PRKN: variants seen among roughly 807,000 people sequenced by gnomAD.
PRKN encodes the protein parkin RBR E3 ubiquitin protein ligase.
In PRKN, 56 loss-of-function variants were observed where a neutral mutation model predicts 59.5. The ratio of observed to expected loss-of-function variants is 0.94; its 90% confidence interval spans 0.76 to 1.18. The LOEUF (loss-of-function observed/expected upper bound fraction) is 1.18, where lower values mean the gene tolerates loss of function less well. PRKN is among the 50% of genes most tolerant of loss of function. PRKN has a pLI of 0.00. For synonymous variants in PRKN, 250 were observed against 222.1 expected (o/e 1.13, Z -1.12); for missense variants, 657 against 596.4 (o/e 1.10, Z -1.06).
intron 9 of PRKN, among the ~76,000 whole-genome samples, chr6:161,516,817 A>G (rs1457540289): frequency 7.2e-6 from 1 of 138,342 alleles, no homozygotes; most frequent in Non-Finnish European, 1.5e-5. Flanking sequence ...ACAGAGCAAG[A>G]CTCAATCTCA....
chr6:162,427,644 GT>G (rs1219394770), intron 2 of PRKN, among the ~76,000 whole-genome samples: 1 of 144,208 alleles, frequency 6.9e-6, no homozygotes, highest in Non-Finnish European at 1.5e-5. Flanking sequence ...GTAAATAAAT[GT>G]TTTTTTTTCT....
rs1788186250 is a variant in PRKN, at chr6:161,423,262, T to G, written c.1084-36385A>C. The stretch of plus-strand genomic sequence containing the variant: ...GGCACTCACGTTAATTTTTCTCAAC[T>G]AGTATCTGAAGGGTTGTCATGCTCT... On this transcript the variant is annotated intron_variant, in intron 9 of 11. Coordinates refer to ENST00000366898, the MANE Select transcript of PRKN (RefSeq NM_004562.3). The surrounding 1 kb of genome is among the most constrained non-coding windows in gnomAD (Gnocchi z 5.9). Among the ~76,000 whole-genome samples the G allele has an allele frequency of 6.6e-6, 1 of 152,194 alleles. No homozygotes were observed. Among genetic ancestry groups the G allele is most frequent in the African/African-American group, 2.4e-5 (1 of 41,444 alleles).
At chr6:162,211,866 TA>T (rs1425250211) in intron 3 of PRKN, among the ~76,000 whole-genome samples, 2 of 152,194 alleles carry the variant, frequency 1.3e-5, no homozygotes, top group Non-Finnish European at 2.9e-5. Context: ...TTGAGATTCA[TA>T]AAATCTCTAC....
chr6:162,268,180 C>T (rs1780217954), intron 2 of PRKN, among the ~76,000 whole-genome samples: 1 of 152,168 alleles, frequency 6.6e-6, no homozygotes, highest in African/African-American at 2.4e-5. Flanking sequence ...GAATAACTAT[C>T]ACCATCTGCT....
At chr6:162,103,703 C>A (rs1260997515) in intron 4 of PRKN, among the ~76,000 whole-genome samples, 1 of 152,036 alleles carries the variant, frequency 6.6e-6, no homozygotes, top group East Asian at 1.9e-4. Context: ...CTCAGAGGAA[C>A]GCCAGGGCAG....
chr6:162,569,351 G>T (rs924864839), intron 1 of PRKN: 1 of 638,862 alleles, frequency 1.6e-6, no homozygotes, highest in Non-Finnish European at 3.0e-6. Flanking sequence ...GCTGGAGGCT[G>T]CCCTGCAACA....
At chr6:162,355,842 TTACAAGGTA>T (rs1257903238) in intron 2 of PRKN, among the ~76,000 whole-genome samples, 3 of 152,146 alleles carry the variant, frequency 2.0e-5, no homozygotes, top group Non-Finnish European at 2.9e-5. Context: ...CAGAATTTGT[TTACAAGGTA>T]AAGGATTAAT....
intron 9 of PRKN, among the ~76,000 whole-genome samples, chr6:161,430,704 A>T (rs916005069): frequency 7.4e-5 from 11 of 149,198 alleles, no homozygotes; most frequent in Admixed American, 4.1e-4. Flanking sequence ...AGTCCCAGCT[A>T]CTCGGGAGGC....
At chr6:161,941,476 C>A (rs1489384846) in intron 6 of PRKN, among the ~76,000 whole-genome samples, 1 of 152,198 alleles carries the variant, frequency 6.6e-6, no homozygotes, top group Non-Finnish European at 1.5e-5. Flanking sequence ...GAGAGCTACT[C>A]AATAAAACCT....
At chr6:162,699,810 G>C (rs1778089697) in intron 1 of PRKN, among the ~76,000 whole-genome samples, 1 of 152,048 alleles carries the variant, frequency 6.6e-6, no homozygotes. Flanking sequence ...AGAGGATGAG[G>C]CTGTTCTCTG....
intron 1 of PRKN, among the ~76,000 whole-genome samples, chr6:162,448,333 C>T (rs554837822): frequency 2.0e-5 from 3 of 152,234 alleles, no homozygotes; most frequent in Admixed American, 6.5e-5. Context: ...CACCCTCCTG[C>T]GATTACTACC....
At position 161,733,991 on chromosome 6, in the gene PRKN, CACACACACACACACAT is replaced by C. The variant is rs1274023564; in HGVS notation, c.871+51765_871+51780del. Among the ~76,000 whole-genome samples the C allele has an allele frequency of 1.3e-3, 185 of 145,744 alleles. 1 individual carries two copies. The South Asian group carries it at 0.018, about 14-fold the overall frequency. On this transcript the variant is annotated intron_variant, in intron 7 of 11. Coordinates refer to ENST00000366898, the MANE Select transcript of PRKN (RefSeq NM_004562.3). Reference sequence around the variant, plus strand: ...ACACACACACACACACACACACACACACACACACACACACATATTTGCTAATGGAAAAAAGAACACA... The same window carrying C: ...ACACACACACACACACACACACACACATTTGCTAATGGAAAAAAGAACACA...
chr6:162,194,396 T>A (rs1015943139), intron 4 of PRKN, among the ~76,000 whole-genome samples: 1 of 152,304 alleles, frequency 6.6e-6, no homozygotes, highest in Middle Eastern at 3.4e-3. Context: ...GAAAATTCAA[T>A]GGTATCCATA....
intron 7 of PRKN, among the ~76,000 whole-genome samples, chr6:161,683,077 C>T (rs1348350642): frequency 2.0e-5 from 3 of 152,190 alleles, no homozygotes; most frequent in African/African-American, 4.8e-5. Flanking sequence ...ATGCATGGCA[C>T]GACCTACGTG....
intron 4 of PRKN, among the ~76,000 whole-genome samples, chr6:162,167,991 C>T (rs1170594076): frequency 6.6e-6 from 1 of 152,104 alleles, no homozygotes; most frequent in Non-Finnish European, 1.5e-5. Context: ...CACTAATTCA[C>T]ATGACATTTA....
At chr6:162,661,068 C>A (rs1040743526) in intron 1 of PRKN, among the ~76,000 whole-genome samples, 105 of 152,126 alleles carry the variant, frequency 6.9e-4, no homozygotes, top group African/African-American at 2.4e-3. Context: ...TCAAGATAAG[C>A]CTGACCAACA....
At chr6:162,477,436 A>G (rs1792073703) in intron 1 of PRKN, among the ~76,000 whole-genome samples, 1 of 152,210 alleles carries the variant, frequency 6.6e-6, no homozygotes, top group Non-Finnish European at 1.5e-5. Flanking sequence ...CATTTTTGAC[A>G]GCATCTATAC....
At position 161,373,356 on chromosome 6, in the gene PRKN, A is replaced by G. The variant is rs1253407773; in HGVS notation, c.1168-13151T>C. Among the ~76,000 whole-genome samples the G allele has an allele frequency of 6.6e-6, 1 of 152,044 alleles. No homozygotes were observed. The highest frequency in any genetic ancestry group is 2.4e-5 in the African/African-American group (1 of 41,402). ...AATTACCCATCACAGCTAGGCTGAAACTCATGTTTAAGACTAGATCTGTTT... is the reference window on the plus strand; with the variant it reads ...AATTACCCATCACAGCTAGGCTGAAGCTCATGTTTAAGACTAGATCTGTTT... On this transcript the variant is annotated intron_variant, in intron 10 of 11. Transcript: ENST00000366898. This position sits in a 1 kb window ranked among gnomAD's most constrained non-coding sequence, Gnocchi z 4.8.
At chr6:161,867,555 AGAT>A (rs1299318495) in intron 6 of PRKN, among the ~76,000 whole-genome samples, 2 of 152,238 alleles carry the variant, frequency 1.3e-5, no homozygotes, top group African/African-American at 4.8e-5. Flanking sequence ...AAACATGAAA[AGAT>A]GATGATGAAA....
Sources: gnomAD v4.1 joint callset for allele counts (sites outside exome capture counted in the v4.1 genomes callset) on GRCh38, gnomAD v4.1.1 for gene constraint, Gnocchi (gnomAD v3.1) non-coding constraint, MANE v1.5 for transcripts, NCBI Gene and HGNC (gene_info 2026-07-23, HGNC 2026-07-21) for gene names.